The following NBPF20 variants were observed in gnomAD, a reference collection of about 807,000 sequenced individuals.
The protein encoded by NBPF20 is NBPF family member NBPF20.
Under a neutral mutation model 68.1 loss-of-function variants are expected in NBPF20, and 90 were observed. That is an observed-to-expected ratio of 1.32 (90% CI 1.11 to 1.58). The LOEUF (loss-of-function observed/expected upper bound fraction) is 1.58, where lower values mean the gene tolerates loss of function less well. NBPF20 is among the 40% of genes most tolerant of loss of function. The probability of loss-of-function intolerance (pLI) is 0.00; values close to 1 mark genes in which losing one functional copy is unlikely to be tolerated. For missense variants in NBPF20, 816 were observed against 601.2 expected, an observed-to-expected ratio of 1.36 and a Z score of -3.74; for synonymous variants, 290 against 228.1, an observed-to-expected ratio of 1.27 and a Z score of -2.45.
chr1:145,393,768 A>T (rs1662064709), intron 9 of NBPF20, 116 bp downstream of exon 14: 17 of 1,494,124 alleles, frequency 1.1e-5, no homozygotes, highest in African/African-American at 1.4e-5. Flanking sequence ...TAGTAGGCAT[A>T]ATTCAGACTT....
exon 138 of NBPF20, chr1:145,291,737 G>C (rs782641133): frequency 3.0e-5 from 48 of 1,611,810 alleles, no homozygotes; most frequent in East Asian, 1.1e-4. Context: ...TAAGACTTCA[G>C]GCTCTTCCAC....
At chr1:145,298,284 G>C in intron 129 of NBPF20, 150 bp from the exon 135 acceptor site, 1 of 433,806 alleles carries the variant, frequency 2.3e-6, no homozygotes. Flanking sequence ...CTTCATGTTG[G>C]GACAGAACAG....
chr1:145,405,266 C>T (rs782371471), exon 2 of NBPF20: 9 of 1,608,240 alleles, frequency 5.6e-6, no homozygotes, highest in East Asian at 4.5e-5. Context: ...CCGGCTGATA[C>T]CACCATGCTG....
chr1:145,390,252 T>C, intron 13 of NBPF20, 136 bp from the exon 19 acceptor site: 1 of 159,290 alleles, frequency 6.3e-6, no homozygotes, highest in Non-Finnish European at 9.7e-6. Flanking sequence ...TAACAAATTA[T>C]TGCCTTCATG....
intron 8 of NBPF20, among the ~76,000 whole-genome samples, chr1:145,394,561 C>T (rs1367299488): frequency 1.3e-5 from 2 of 151,980 alleles, no homozygotes; most frequent in African/African-American, 4.8e-5. Flanking sequence ...AAGGGTGACA[C>T]TGGCCTTGGG....
the NBPF20 span, among the ~76,000 whole-genome samples, chr1:145,419,599 C>G: frequency 1.3e-5 from 2 of 152,110 alleles, no homozygotes; most frequent in Non-Finnish European, 2.9e-5. Context: ...GCCCCTGGGT[C>G]TGACATCGTC....
At chr1:145,377,736 C>T (rs1661832904) in intron 29 of NBPF20, among the ~76,000 whole-genome samples, 2 of 91,812 alleles carry the variant, frequency 2.2e-5, no homozygotes, top group African/African-American at 3.7e-5. Flanking sequence ...TTAGTGCCCT[C>T]GGGACACACA....
chr1:145,400,131 C>G (rs1397417645), intron 6 of NBPF20, among the ~76,000 whole-genome samples: 10 of 152,182 alleles, frequency 6.6e-5, no homozygotes, highest in Admixed American at 1.3e-4. Context: ...GTAGGCCTGA[C>G]AGATACTGCC....
At chr1:145,298,035 G>C in exon 130 of NBPF20, 1 of 240,010 alleles carries the variant, frequency 4.2e-6, no homozygotes, top group Non-Finnish European at 7.1e-6. Context: ...GCTGGCAGGA[G>C]TCAGGCTGTT....
the NBPF20 span, among the ~76,000 whole-genome samples, chr1:145,410,894 C>T: frequency 7.8e-6 from 1 of 128,398 alleles, no homozygotes; most frequent in Non-Finnish European, 1.6e-5. Flanking sequence ...TATACACACA[C>T]ACACACACGT....
At chr1:145,400,245 A>G in intron 6 of NBPF20, 144 bp downstream of exon 11, 1 of 1,542,118 alleles carries the variant, frequency 6.5e-7, no homozygotes. Context: ...ATTAGCTGAG[A>G]AGGACAAAAA....
intron 2 of NBPF20, among the ~76,000 whole-genome samples, 164 bp downstream of exon 7, chr1:145,404,934 C>T (rs1662697986): frequency 6.6e-6 from 1 of 151,920 alleles, no homozygotes; most frequent in African/African-American, 2.4e-5. Context: ...TTGCTAAATA[C>T]TTTGGTACCT....
chr1:145,407,289 C>G (rs1337291053), upstream of NBPF20, among the ~76,000 whole-genome samples: 3 of 145,666 alleles, frequency 2.1e-5, no homozygotes, highest in Non-Finnish European at 4.5e-5. Context: ...GGGGTGAGGG[C>G]TGGGGGAGGG....
At chr1:145,410,798 G>A in the NBPF20 span, among the ~76,000 whole-genome samples, 2,335 of 75,640 alleles carry the variant, frequency 0.031, 88 homozygotes, top group African/African-American at 0.12. Flanking sequence ...ATATATATAC[G>A]TATATGTATA....
exon 5 of NBPF20, chr1:145,401,060 T>A: frequency 6.2e-7 from 1 of 1,607,374 alleles, no homozygotes; most frequent in South Asian, 1.1e-5. Context: ...CAGTGTTACC[T>A]GGGGGCAGAC....
At chr1:145,408,511 A>T (rs4116955), upstream of NBPF20, among the ~76,000 whole-genome samples, 15 of 152,170 alleles carry the variant, frequency 9.9e-5, no homozygotes, top group South Asian at 6.2e-4. Context: ...CTACTGTTTT[A>T]AAATTACTGT....
intron 132 of NBPF20, 129 bp from the exon 138 acceptor site, chr1:145,295,747 T>A: frequency 3.3e-5 from 1 of 30,040 alleles, no homozygotes. Flanking sequence ...TGAGAGATAG[T>A]CTTCAGGAGG....
At chr1:145,403,044 A>AGAAC (rs1662599486) in intron 3 of NBPF20, among the ~76,000 whole-genome samples, 172 bp downstream of exon 8, 1 of 151,986 alleles carries the variant, frequency 6.6e-6, no homozygotes, top group African/African-American at 2.4e-5. Flanking sequence ...CAACCCATAC[A>AGAAC]TTTTTATTAT....
intron 10 of NBPF20, 67 bp downstream of exon 15, chr1:145,393,007 C>T (rs1435269359): frequency 9.9e-5 from 38 of 382,938 alleles, no homozygotes; most frequent in Non-Finnish European, 1.6e-4. Context: ...GGGCCACTTG[C>T]AGTAGGAATA....
Sources: allele counts gnomAD v4.1 joint callset (sites outside exome capture counted in the v4.1 genomes callset), GRCh38; gene constraint gnomAD v4.1.1; transcripts MANE v1.5; gene names NCBI Gene and HGNC (gene_info 2026-07-23, HGNC 2026-07-21).